Variants in TLN2 observed in about 807,000 individuals in gnomAD.
The protein encoded by TLN2 is talin-2.
Under a neutral mutation model 294.7 loss-of-function variants are expected in TLN2, and 118 were observed. The ratio of observed to expected loss-of-function variants is 0.40; its 90% CI spans 0.34 to 0.47. The LOEUF is 0.47. Among genes scored for constraint, TLN2 ranks in the 20% least tolerant of loss-of-function variants. The pLI, the probability that TLN2 is intolerant of heterozygous loss-of-function variation, is 0.84. For missense variants in TLN2, 3,083 were observed against 3,282.2 expected, an observed-to-expected ratio of 0.94 and a Z score of 1.48; for synonymous variants, 1,431 against 1,304.5, an observed-to-expected ratio of 1.10 and a Z score of -2.09.
chr15:62,778,511 C>G (rs375913793), intron 43 of TLN2, among the ~76,000 whole-genome samples: 29 of 152,198 alleles, frequency 1.9e-4, no homozygotes, highest in African/African-American at 7.0e-4. Context: ...CAGTACCACT[C>G]AAATGATAGG....
At chr15:62,773,290 C>T (rs1241709200) in intron 42 of TLN2, among the ~76,000 whole-genome samples, 1 of 63,592 alleles carries the variant, frequency 1.6e-5, no homozygotes, top group African/African-American at 6.6e-5. Flanking sequence ...AGAGCACACA[C>T]AGTCAGCACT....
At chr15:62,417,303 G>C (rs1305238689) in intron 1 of TLN2, among the ~76,000 whole-genome samples, 1 of 152,154 alleles carries the variant, frequency 6.6e-6, no homozygotes, top group Non-Finnish European at 1.5e-5. Context: ...TTGCTCTCCA[G>C]TCAGAATCAG....
Position 62,841,535 on chromosome 15 carries a change from C to T in TLN2, c.*925C>T, listed in dbSNP as rs1432811026. ...TGTGCCTTCAGAATGGTCACAAGCCCGGATTGGAAAGGATCTGCTTACAAA... is the reference window on the plus strand; with the variant it reads ...TGTGCCTTCAGAATGGTCACAAGCCTGGATTGGAAAGGATCTGCTTACAAA... On this transcript the variant is annotated 3_prime_UTR_variant, in exon 59 of 59. Coordinates refer to ENST00000636159, the MANE Select transcript of TLN2 (RefSeq NM_015059.3). 3.3e-5 allele frequency: 5 copies of T among 152,118 alleles called. No individual in the cohort carries two copies. The highest frequency in any genetic ancestry group is 5.9e-5 in the Non-Finnish European group (4 of 68,022). The allele number at this position is 152,118 out of a possible 1,614,324, so 9.4% of individuals were successfully genotyped here. A position where few individuals can be genotyped will look rare whatever the true frequency, so the allele number is the denominator to read the frequency against.
At chr15:62,690,067 CCCGGACGGGGCGGCCGG>C (rs2057684747) in intron 12 of TLN2, among the ~76,000 whole-genome samples, 2 of 106,200 alleles carry the variant, frequency 1.9e-5, no homozygotes, top group Non-Finnish European at 3.8e-5. Flanking sequence ...CCCCTCACCT[CCCGGACGGGGCGGCCGG>C]CCGGGCGGGG....
chr15:62,605,720 C>CAGAGTCACCT (rs1567179757), intron 2 of TLN2, among the ~76,000 whole-genome samples: 1 of 152,186 alleles, frequency 6.6e-6, no homozygotes, highest in African/African-American at 2.4e-5. Context: ...GGTTGAACAC[C>CAGAGTCACCT]AGAGTCACCT....
intron 50 of TLN2, among the ~76,000 whole-genome samples, chr15:62,802,366 A>C (rs1171833303): frequency 6.6e-6 from 1 of 151,904 alleles, no homozygotes; most frequent in African/African-American, 2.4e-5. Context: ...TTTGGAAGCA[A>C]CCTAAGTGTC....
At chr15:62,825,770 T>TA (rs2068020422) in intron 54 of TLN2, among the ~76,000 whole-genome samples, 7 of 42,856 alleles carry the variant, frequency 1.6e-4, no homozygotes, top group African/African-American at 4.8e-4. Flanking sequence ...TAATTATATA[T>TA]TATATAATAT....
chr15:62,397,451 A>T (rs551272554), intron 1 of TLN2, among the ~76,000 whole-genome samples: 2 of 152,076 alleles, frequency 1.3e-5, no homozygotes, highest in South Asian at 4.2e-4. Flanking sequence ...TTTTGTAGAG[A>T]CCATGTCTCA....
chr15:62,418,602 G>T (rs890984519), intron 1 of TLN2, among the ~76,000 whole-genome samples: 2 of 152,208 alleles, frequency 1.3e-5, no homozygotes, highest in South Asian at 2.1e-4. Flanking sequence ...GAGCAACAAG[G>T]CTGTTTATTT....
chr15:62,682,012 C>A (rs1360409771), intron 11 of TLN2, among the ~76,000 whole-genome samples: 1 of 152,158 alleles, frequency 6.6e-6, no homozygotes, highest in African/African-American at 2.4e-5. Flanking sequence ...ACCTCAGTTT[C>A]CCAAAGTGTT....
chr15:62,755,456 C>A, intron 36 of TLN2, 76 bp from the exon 37 acceptor site: 1 of 1,514,502 alleles, frequency 6.6e-7, no homozygotes, highest in South Asian at 1.3e-5. Flanking sequence ...TGAACAGGAA[C>A]CCAGGGCTGA....
At position 62,583,672 on chromosome 15, in the gene TLN2, A is replaced by G. The variant is rs187889019; in HGVS notation, c.-237-6015A>G. 3.6e-3 allele frequency among the ~76,000 whole-genome samples: 552 copies of G among 152,306 alleles called. 3 individuals are homozygous for G. The highest frequency in any genetic ancestry group is 0.013 in the African/African-American group (534 of 41,564). On this transcript the variant is annotated intron_variant, in intron 1 of 58. Transcript: ENST00000636159. Reference sequence around the variant, plus strand: ...TTTTGGCCAGTTCATAAAATGAGGTAGTAGTAGTATGTTTAAGAACAGCTT... The same window carrying G: ...TTTTGGCCAGTTCATAAAATGAGGTGGTAGTAGTATGTTTAAGAACAGCTT...
At chr15:62,725,271 A>G (rs969044641) in intron 27 of TLN2, among the ~76,000 whole-genome samples, 167 bp downstream of exon 27, 1 of 152,076 alleles carries the variant, frequency 6.6e-6, no homozygotes, top group Non-Finnish European at 1.5e-5. Flanking sequence ...CTAGGTTTGG[A>G]GTTATGAGCG....
At chr15:62,562,922 A>T (rs1158551942) in intron 1 of TLN2, among the ~76,000 whole-genome samples, 3 of 113,214 alleles carry the variant, frequency 2.6e-5, no homozygotes, top group African/African-American at 1.1e-4. Context: ...ACACACACAC[A>T]CACACACACA....
intron 1 of TLN2, among the ~76,000 whole-genome samples, chr15:62,424,896 A>G (rs1187743932): frequency 5.1e-5 from 6 of 117,184 alleles, no homozygotes; most frequent in African/African-American, 2.0e-4. Context: ...CAAATGATCT[A>G]CTCACCTTGG....
intron 1 of TLN2, among the ~76,000 whole-genome samples, chr15:62,481,221 C>CG (rs2038071170): frequency 2.0e-5 from 3 of 149,522 alleles, no homozygotes; most frequent in African/African-American, 7.4e-5. Flanking sequence ...GTTCTTTTTT[C>CG]TTTTTTTTTT....
chr15:62,781,054 T>A, intron 43 of TLN2, 86 bp from the exon 44 acceptor site: 1 of 1,026,390 alleles, frequency 9.7e-7, no homozygotes, highest in Non-Finnish European at 1.5e-6. Context: ...CCCTCTCTGT[T>A]TTTCAAAGTT....
In TLN2 at chr15:62,776,821, G is replaced by C. The variant is rs2063749043; in HGVS notation, c.5425G>C (p.Asp1809His). The C allele has an allele frequency of 6.2e-7, 1 of 1,600,612 alleles. No homozygotes were observed. Among genetic ancestry groups the C allele is most frequent in the African/African-American group, 1.4e-5 (1 of 73,970 alleles). The change falls in exon 43 of 59, where the codon GAT becomes CAT. Residue 1809 changes from aspartate (D) to histidine (H), a missense_variant. Physicochemically the swap from Asp to His is moderately conservative, Grantham distance 81. Transcript: ENST00000636159. ...CGCCCAGTTGATGAAGGAAGCCGTG[G>C]ATGACATCATGGTGACGCTGAACGA... The part of the protein sequence containing the change: ...EAAQLMKEAV[D>H]DIMVTLNEAA...
chr15:62,581,032 C>T (rs967043250), intron 1 of TLN2, among the ~76,000 whole-genome samples: 2 of 151,874 alleles, frequency 1.3e-5, no homozygotes, highest in Non-Finnish European at 2.9e-5. Flanking sequence ...TACAGGCGCC[C>T]ACCACCATGC....
Sources: gnomAD v4.1 joint callset for allele counts (sites outside exome capture counted in the v4.1 genomes callset) on GRCh38, gnomAD v4.1.1 for gene constraint, MANE v1.5 for transcripts, NCBI Gene and HGNC (gene_info 2026-07-23, HGNC 2026-07-21) for gene names.